The following UEVLD variants were observed in gnomAD, a reference collection of about 807,000 sequenced individuals.
UEVLD encodes the protein ubiquitin-conjugating enzyme E2 variant 3.
Under a neutral mutation model 58.6 loss-of-function variants are expected in UEVLD, and 47 were observed. The ratio of observed to expected loss-of-function variants is 0.80; its 90% CI spans 0.63 to 1.02. UEVLD has a LOEUF of 1.02. UEVLD is among the 50% of genes least tolerant of loss of function. The pLI, the probability that UEVLD is intolerant of heterozygous loss-of-function variation, is 0.00. For synonymous variants in UEVLD, 197 were observed against 195.3 expected (o/e 1.01, Z -0.07); for missense variants, 510 against 550.6 (o/e 0.93, Z 0.74).
chr11:18,545,074 A>ATTTTTTT (rs773948158), intron 8 of UEVLD, among the ~76,000 whole-genome samples: 4 of 84,572 alleles, frequency 4.7e-5, no homozygotes, highest in African/African-American at 4.1e-5. Flanking sequence ...CTATATCTAT[A>ATTTTTTT]TTTTTTTTTT....
intron 1 of UEVLD, among the ~76,000 whole-genome samples, chr11:18,587,479 T>C (rs1853637037): frequency 6.6e-6 from 1 of 152,126 alleles, no homozygotes. Flanking sequence ...AAACTATGGT[T>C]TCTGCATTAG....
intron 7 of UEVLD, among the ~76,000 whole-genome samples, chr11:18,554,862 T>C (rs1242853273): frequency 6.6e-6 from 1 of 152,240 alleles, no homozygotes; most frequent in African/African-American, 2.4e-5. Flanking sequence ...ATCAGTCAGC[T>C]GCAGTCATCT....
At chr11:18,568,047 AG>A (rs1191202516) in intron 4 of UEVLD, among the ~76,000 whole-genome samples, 1 of 152,156 alleles carries the variant, frequency 6.6e-6, no homozygotes, top group African/African-American at 2.4e-5. Flanking sequence ...CAGAAGGCTG[AG>A]GTGGGAAACT....
chr11:18,578,642 A>G, intron 2 of UEVLD, 82 bp downstream of exon 2: 2 of 939,616 alleles, frequency 2.1e-6, no homozygotes, highest in Admixed American at 2.3e-5. Flanking sequence ...GAAAAAGAGA[A>G]ATTACAATTT....
chr11:18,566,782 T>G (rs1309598643), intron 4 of UEVLD, among the ~76,000 whole-genome samples: 1 of 152,230 alleles, frequency 6.6e-6, no homozygotes, highest in Non-Finnish European at 1.5e-5. Context: ...GTAATGCTTT[T>G]CATGAAAAAT....
At chr11:18,570,478 G>A (rs1852546158) in intron 3 of UEVLD, 101 bp from the exon 4 acceptor site, 7 of 1,135,838 alleles carry the variant, frequency 6.2e-6, no homozygotes, top group Non-Finnish European at 8.3e-6. Flanking sequence ...TGGGGTGGTG[G>A]CTGAAGCCTG....
At chr11:18,568,794 T>C (rs528313156) in intron 4 of UEVLD, among the ~76,000 whole-genome samples, 11 of 152,286 alleles carry the variant, frequency 7.2e-5, no homozygotes, top group Admixed American at 6.5e-4. Flanking sequence ...ATAAGCTGTC[T>C]ATAAAATAAA....
chr11:18,547,632 T>G (rs900724449), intron 7 of UEVLD, among the ~76,000 whole-genome samples: 23 of 152,156 alleles, frequency 1.5e-4, no homozygotes, highest in African/African-American at 5.3e-4. Context: ...TTTATATAAA[T>G]TACAATTTTT....
intron 1 of UEVLD, among the ~76,000 whole-genome samples, chr11:18,579,706 T>C (rs549876479): frequency 1.3e-5 from 2 of 152,322 alleles, no homozygotes; most frequent in Middle Eastern, 3.4e-3. Context: ...GCTTATTTTC[T>C]CATCTGCAAA....
At chr11:18,584,619 T>C (rs887824583) in intron 1 of UEVLD, among the ~76,000 whole-genome samples, 5 of 152,140 alleles carry the variant, frequency 3.3e-5, no homozygotes, top group Non-Finnish European at 5.9e-5. Flanking sequence ...TGCCCAATTA[T>C]CTATTTACTT....
At chr11:18,549,315 GGCCCCA>G (rs1851430151) in intron 7 of UEVLD, among the ~76,000 whole-genome samples, 1 of 152,120 alleles carries the variant, frequency 6.6e-6, no homozygotes, top group East Asian at 1.9e-4. Flanking sequence ...TCTACAATCT[GGCCCCA>G]GGCTATTGTG....
intron 4 of UEVLD, among the ~76,000 whole-genome samples, chr11:18,568,694 TTC>T (rs949409239): frequency 1.3e-5 from 2 of 152,156 alleles, no homozygotes; most frequent in Non-Finnish European, 2.9e-5. Flanking sequence ...TTTTTTCTAT[TTC>T]TTTTTTCTTC....
chr11:18,570,499 A>G, intron 3 of UEVLD, 122 bp from the exon 4 acceptor site: 1 of 924,536 alleles, frequency 1.1e-6, no homozygotes, highest in Non-Finnish European at 1.5e-6. Context: ...TAATCCCAGC[A>G]CTTTGGGATG....
chr11:18,568,885 T>C (rs1375248233), intron 4 of UEVLD, among the ~76,000 whole-genome samples: 1 of 152,154 alleles, frequency 6.6e-6, no homozygotes, highest in East Asian at 1.9e-4. Flanking sequence ...ACTAGCTTTC[T>C]GGTACATATA....
intron 8 of UEVLD, among the ~76,000 whole-genome samples, chr11:18,545,042 C>CTATCTA (rs1251645187): frequency 7.9e-5 from 6 of 76,338 alleles, no homozygotes; most frequent in African/African-American, 1.5e-4. Context: ...GTGTGTATAT[C>CTATCTA]TATCTATATC....
intron 7 of UEVLD, among the ~76,000 whole-genome samples, chr11:18,549,881 G>T (rs1851454351): frequency 6.6e-6 from 1 of 150,676 alleles, no homozygotes; most frequent in African/African-American, 2.4e-5. Flanking sequence ...TAGTGCAATG[G>T]TGCCATCTTG....
rs749360189 is a variant in UEVLD at position 18,544,740 on chromosome 11, T to A, written c.943A>T (p.Ile315Phe). 2 of 1,571,766 alleles carry A rather than the reference T, an allele frequency of 1.3e-6. No individual in the cohort carries two copies. Among genetic ancestry groups the A allele is most frequent in the African/African-American group, 2.8e-5 (2 of 72,016 alleles). Residue 315 changes from isoleucine (I) to phenylalanine (F), a missense_variant, in exon 9 of 12, where the codon ATC becomes TTC. Transcript: ENST00000396197. ...KLSTFPANRV[I>F]GIGCNLDSQR... Reference sequence around the variant, plus strand: ...GAATCCAGATTACATCCAATTCCGATCACTCGATTTGCAGGAAATGTACTC... The same window carrying A: ...GAATCCAGATTACATCCAATTCCGAACACTCGATTTGCAGGAAATGTACTC...
intron 2 of UEVLD, among the ~76,000 whole-genome samples, chr11:18,576,400 T>C (rs1852913096): frequency 6.6e-6 from 1 of 151,626 alleles, no homozygotes; most frequent in South Asian, 2.1e-4. Context: ...CAGCCGGGTG[T>C]GGTGGTTCCC....
At chr11:18,578,953 C>T in intron 1 of UEVLD, 145 bp from the exon 2 acceptor site, 6 of 561,814 alleles carry the variant, frequency 1.1e-5, no homozygotes, top group Admixed American at 3.7e-5. Flanking sequence ...CTGCAACCTC[C>T]GTCTCCTGGG....
Sources: allele counts gnomAD v4.1 joint callset (sites outside exome capture counted in the v4.1 genomes callset), GRCh38; gene constraint gnomAD v4.1.1; transcripts MANE v1.5; gene names NCBI Gene and HGNC (gene_info 2026-07-23, HGNC 2026-07-21).